Variants in BLCAP observed in about 807,000 individuals in gnomAD.
BLCAP encodes the protein apoptosis inducing factor BLCAP.
BLCAP carries 1 observed loss-of-function variant against 5.7 expected under a neutral mutation model. The ratio of observed to expected loss-of-function variants is 0.18; its 90% CI spans 0.06 to 0.83. BLCAP has a LOEUF of 0.83. Ranked by LOEUF, BLCAP falls within the 40% of genes least tolerant of loss-of-function variation. The pLI, the probability that BLCAP is intolerant of heterozygous loss-of-function variation, is 0.71. For missense variants in BLCAP, 66 were observed against 107.6 expected (o/e 0.61, Z 1.71); for synonymous variants, 48 against 49.4 (o/e 0.97, Z 0.11).
At position 37,521,241 on chromosome 20, in the gene BLCAP, G is replaced by A. The variant is rs1189030060; in HGVS notation, c.-176-1891C>T. The A allele has an allele frequency of 5.1e-6, 7 of 1,365,038 alleles. No individual in the cohort carries two copies. The highest frequency in any genetic ancestry group is 2.3e-5 in the South Asian group (2 of 85,286). The allele number at this position is 1,365,038 out of a possible 1,614,324, so 84.6% of individuals were successfully genotyped here. A position where few individuals can be genotyped will look rare whatever the true frequency, so the allele number is the denominator to read the frequency against. On this transcript the variant is annotated intron_variant, in intron 1 of 1. Transcript: ENST00000373537. The surrounding 1 kb of genome is among the most constrained non-coding windows in gnomAD (Gnocchi z 4.5). ...CGGGTACTTAAGGCGCGGCCACCGCGGCTGCGGCAGTGCGCCCAACAGCGG... is the reference window on the plus strand; with the variant it reads ...CGGGTACTTAAGGCGCGGCCACCGCAGCTGCGGCAGTGCGCCCAACAGCGG...
chr20:37,519,525 C>T (rs909044392), intron 1 of BLCAP, among the ~76,000 whole-genome samples, 175 bp from the exon 2 acceptor site: 2 of 151,826 alleles, frequency 1.3e-5, no homozygotes, highest in African/African-American at 2.4e-5. Flanking sequence ...CCTGCCCACC[C>T]GTGAAAGTTC....
rs2071578528 is a variant in BLCAP at position 37,521,623 on chromosome 20, AC to A, written c.-176-2274del. 1 of 560,856 alleles carries A rather than the reference AC, an allele frequency of 1.8e-6. No homozygotes were observed. Among genetic ancestry groups the A allele is most frequent in the African/African-American group, 1.9e-5 (1 of 52,132 alleles). 34.7% of individuals were successfully genotyped at this position (560,856 alleles called of 1,614,324 possible). A position where few individuals can be genotyped will look rare whatever the true frequency, so the allele number is the denominator to read the frequency against. ...CTAGTGCGCCCGCGCCTGCCAGGGA[AC>A]AAAGACTCGGGGCGCGGCGGGCGAC... is the stretch of plus-strand genomic sequence containing the variant. On this transcript the variant is annotated intron_variant, in intron 1 of 1. Coordinates refer to ENST00000373537, the MANE Select transcript of BLCAP (RefSeq NM_006698.4). The surrounding 1 kb of genome is among the most constrained non-coding windows in gnomAD (Gnocchi z 4.5).
At chr20:37,522,305 G>A (rs996548987) in intron 1 of BLCAP, 2 of 1,485,248 alleles carry the variant, frequency 1.3e-6, no homozygotes, top group Admixed American at 1.7e-5. Context: ...TTTGCAGGAA[G>A]AATTCCCTGC....
rs2071581662 is a variant in BLCAP, at chr20:37,521,698, AC to A, written c.-176-2349del. 1 of 366,016 alleles carries A rather than the reference AC, an allele frequency of 2.7e-6. No homozygotes were observed. Among genetic ancestry groups the A allele is most frequent in the Non-Finnish European group, 5.0e-6 (1 of 198,100 alleles). The allele number at this position is 366,016 out of a possible 1,614,324, so 22.7% of individuals were successfully genotyped here. A position where few individuals can be genotyped will look rare whatever the true frequency, so the allele number is the denominator to read the frequency against. On this transcript the variant is annotated intron_variant, in intron 1 of 1. Coordinates refer to ENST00000373537, the MANE Select transcript of BLCAP (RefSeq NM_006698.4). This position sits in a 1 kb window ranked among gnomAD's most constrained non-coding sequence, Gnocchi z 4.5. ...TTTAGCGACCTACGCGGTAAGAAAA[AC>A]CCGCTACACCCGGACTCGACCCCAG...
chr20:37,522,598 G>GGGGGGGGGCCC, intron 1 of BLCAP: 2 of 864,414 alleles, frequency 2.3e-6, no homozygotes, highest in Non-Finnish European at 3.4e-6. Flanking sequence ...GCGGGGGTGG[G>GGGGGGGGGCCC]CACGGCAGCA....
Position 37,521,282 on chromosome 20 carries a change from G to C in BLCAP, c.-176-1932C>G, listed in dbSNP as rs1233666425. The C allele has an allele frequency of 6.3e-7, 1 of 1,593,534 alleles. No homozygotes were observed. The highest frequency in any genetic ancestry group is 8.6e-7 in the Non-Finnish European group (1 of 1,161,650). ...CCAACAGCGGACTCCGAGACCAGCG[G>C]ATCTCGGCAAACCCTCTTTCTCGAC... is the stretch of plus-strand genomic sequence containing the variant. On this transcript the variant is annotated intron_variant, in intron 1 of 1. Coordinates refer to ENST00000373537, the MANE Select transcript of BLCAP (RefSeq NM_006698.4). This position sits in a 1 kb window ranked among gnomAD's most constrained non-coding sequence, Gnocchi z 4.5.
At position 37,521,231 on chromosome 20, in the gene BLCAP, C is replaced by A; in HGVS notation, c.-176-1881G>T. The A allele has an allele frequency of 2.4e-6, 3 of 1,263,646 alleles. No individual in the cohort carries two copies. Among genetic ancestry groups the A allele is most frequent in the Non-Finnish European group, 3.5e-6 (3 of 868,074 alleles). 78.3% of individuals were successfully genotyped at this position (1,263,646 alleles called of 1,614,324 possible). ...AGGTGGCGGGCGGGTACTTAAGGCGCGGCCACCGCGGCTGCGGCAGTGCGC... is the reference window on the plus strand; with the variant it reads ...AGGTGGCGGGCGGGTACTTAAGGCGAGGCCACCGCGGCTGCGGCAGTGCGC... On this transcript the variant is annotated intron_variant, in intron 1 of 1. Coordinates refer to ENST00000373537, the MANE Select transcript of BLCAP (RefSeq NM_006698.4). This position sits in a 1 kb window ranked among gnomAD's most constrained non-coding sequence, Gnocchi z 4.5.
intron 1 of BLCAP, chr20:37,526,612 C>A (rs990731410): frequency 6.6e-6 from 1 of 151,922 alleles, no homozygotes; most frequent in Non-Finnish European, 1.5e-5. Context: ...GATAGGAGAA[C>A]AACAACAAAA....
intron 1 of BLCAP, chr20:37,527,062 G>C (rs2071734678): frequency 6.6e-6 from 1 of 152,178 alleles, no homozygotes; most frequent in Non-Finnish European, 1.5e-5. Flanking sequence ...AATGGGACAC[G>C]GAGGCCTGGA....
rs769777431 is a variant in BLCAP at position 37,521,416 on chromosome 20, G to C, written c.-176-2066C>G. The C allele has an allele frequency of 3.1e-6, 5 of 1,613,936 alleles. No individual in the cohort carries two copies. The African/African-American group carries it at 4.0e-5, about 13-fold the overall frequency. On this transcript the variant is annotated intron_variant, in intron 1 of 1. Coordinates refer to ENST00000373537, the MANE Select transcript of BLCAP (RefSeq NM_006698.4). This position sits in a 1 kb window ranked among gnomAD's most constrained non-coding sequence, Gnocchi z 4.5. ...CGTGCTGCTGCAGGTAAGTCTGACGGGGTTTCGGGTGGGAGAGGGTTCCCA... is the reference window on the plus strand; with the variant it reads ...CGTGCTGCTGCAGGTAAGTCTGACGCGGTTTCGGGTGGGAGAGGGTTCCCA...
At position 37,517,993 on chromosome 20, in the gene BLCAP, A is replaced by C; in HGVS notation, c.*918T>G. 6.5e-6 allele frequency: 1 copy of C among 152,782 alleles called. No individual in the cohort carries two copies. 9.5% of individuals were successfully genotyped at this position (152,782 alleles called of 1,614,324 possible). A position where few individuals can be genotyped will look rare whatever the true frequency, so the allele number is the denominator to read the frequency against. ...CATGTATTTGTACACACACACACAC[A>C]GGGCACACCAAAAAATATCCAAACA... On this transcript the variant is annotated 3_prime_UTR_variant, in exon 2 of 2. Transcript: ENST00000373537.
intron 1 of BLCAP, among the ~76,000 whole-genome samples, chr20:37,519,905 G>A (rs1240236850): frequency 6.6e-6 from 1 of 152,272 alleles, no homozygotes; most frequent in African/African-American, 2.4e-5. Context: ...GGATCCTGAG[G>A]CAGCTACAGC....
At chr20:37,520,811 C>T (rs186027771) in intron 1 of BLCAP, among the ~76,000 whole-genome samples, 95 of 152,322 alleles carry the variant, frequency 6.2e-4, no homozygotes, top group African/African-American at 2.0e-3. Flanking sequence ...TATGCCAAAG[C>T]TTCTGAAAGG....
rs2071474659 is a variant in BLCAP at position 37,519,298 on chromosome 20, G to A, written c.-124C>T. The A allele has an allele frequency of 8.3e-7, 1 of 1,198,252 alleles. No individual in the cohort carries two copies. Among genetic ancestry groups the A allele is most frequent in the Non-Finnish European group, 1.1e-6 (1 of 874,956 alleles). The allele number at this position is 1,198,252 out of a possible 1,614,324, so 74.2% of individuals were successfully genotyped here. A position where few individuals can be genotyped will look rare whatever the true frequency, so the allele number is the denominator to read the frequency against. On this transcript the variant is annotated 5_prime_UTR_variant, in exon 2 of 2. Coordinates refer to ENST00000373537, the MANE Select transcript of BLCAP (RefSeq NM_006698.4). ...CTTCAACCCTCACTCTCCAGGAGCT[G>A]AGCCGCTGTGCTCTCTGGCTGTCAG...
At chr20:37,525,359 C>T (rs1158565523) in intron 1 of BLCAP, among the ~76,000 whole-genome samples, 1 of 152,248 alleles carries the variant, frequency 6.6e-6, no homozygotes, top group Admixed American at 6.5e-5. Flanking sequence ...TAAGAGCTGG[C>T]TGCTCTGGAC....
intron 1 of BLCAP, chr20:37,524,320 C>T (rs2071684920): frequency 6.6e-6 from 1 of 152,378 alleles, no homozygotes; most frequent in Non-Finnish European, 1.5e-5. Context: ...CCTCTCTCCC[C>T]AATACTGGGT....
At chr20:37,520,996 T>C (rs539713666) in intron 1 of BLCAP, among the ~76,000 whole-genome samples, 9 of 152,238 alleles carry the variant, frequency 5.9e-5, no homozygotes, top group Non-Finnish European at 1.3e-4. Flanking sequence ...CGCCCTGTAC[T>C]CTACCCAGAG....
intron 1 of BLCAP, chr20:37,527,099 G>A (rs2071735285): frequency 6.6e-6 from 1 of 152,180 alleles, no homozygotes; most frequent in East Asian, 1.9e-4. Context: ...TTTGGAAAGG[G>A]GAAGGAAAAA....
chr20:37,521,543 G>A lies in BLCAP; in HGVS notation c.-176-2193C>T, dbSNP rs2071574119. On this transcript the variant is annotated intron_variant, in intron 1 of 1. Coordinates refer to ENST00000373537, the MANE Select transcript of BLCAP (RefSeq NM_006698.4). The surrounding 1 kb of genome is among the most constrained non-coding windows in gnomAD (Gnocchi z 4.5). ...CCTTGCCTGCCCAAGTGCCGCTGCC[G>A]GCACCGCGCGCCCCCTGCCCATTCC... The A allele has an allele frequency of 2.4e-6, 2 of 826,428 alleles. No homozygotes were observed. Among genetic ancestry groups the A allele is most frequent in the Non-Finnish European group, 3.9e-6 (2 of 508,426 alleles). The allele number at this position is 826,428 out of a possible 1,614,324, so 51.2% of individuals were successfully genotyped here. A position where few individuals can be genotyped will look rare whatever the true frequency, so the allele number is the denominator to read the frequency against.
Sources: gnomAD v4.1 joint callset for allele counts (sites outside exome capture counted in the v4.1 genomes callset) on GRCh38, gnomAD v4.1.1 for gene constraint, Gnocchi (gnomAD v3.1) non-coding constraint, MANE v1.5 for transcripts, NCBI Gene and HGNC (gene_info 2026-07-23, HGNC 2026-07-21) for gene names.